Variants in CPEB1 observed in about 807,000 individuals in gnomAD.
The protein encoded by CPEB1 is cytoplasmic polyadenylation element binding protein 1.
Under a neutral mutation model 65.8 loss-of-function variants are expected in CPEB1, and 7 were observed. The observed-to-expected ratio is 0.11, with a 90% CI of 0.06 to 0.20. The LOEUF is 0.20. Ranked by LOEUF, CPEB1 falls within the 10% of genes least tolerant of loss-of-function variation. The probability of loss-of-function intolerance (pLI) is 1.00; values close to 1 mark genes in which losing one functional copy is unlikely to be tolerated. For synonymous variants in CPEB1, 262 were observed against 260.0 expected, an observed-to-expected ratio of 1.01 and a Z score of -0.08; for missense variants, 551 against 712.2, an observed-to-expected ratio of 0.77 and a Z score of 2.58.
chr15:82,567,982 T>A (rs1002502656), intron 4 of CPEB1, among the ~76,000 whole-genome samples: 1 of 152,140 alleles, frequency 6.6e-6, no homozygotes, highest in Admixed American at 6.5e-5. Flanking sequence ...CCTTCAGAGA[T>A]CTCATCAAGG....
intron 3 of CPEB1, chr15:82,571,855 C>T: frequency 9.1e-7 from 1 of 1,099,194 alleles, no homozygotes; most frequent in Non-Finnish European, 1.1e-6. Flanking sequence ...CATCATCCCT[C>T]ACAGAACGGG....
chr15:82,573,335 C>T, intron 3 of CPEB1: 1 of 643,130 alleles, frequency 1.6e-6, no homozygotes, highest in Non-Finnish European at 2.5e-6. Flanking sequence ...TTGTCAAAGC[C>T]TTGTTCATCA....
At chr15:82,590,600 TGTCAA>T (rs2042174442) in intron 3 of CPEB1, among the ~76,000 whole-genome samples, 1 of 152,294 alleles carries the variant, frequency 6.6e-6, no homozygotes. Context: ...ATCACCCAGG[TGTCAA>T]GTCCAGTACC....
intron 5 of CPEB1, 71 bp downstream of exon 5, chr15:82,557,689 T>C: frequency 7.6e-7 from 1 of 1,316,960 alleles, no homozygotes; most frequent in African/African-American, 1.4e-5. Flanking sequence ...ATAGATATTG[T>C]ACCCTCCTTC....
chr15:82,547,241 G>C lies in CPEB1; in HGVS notation c.1481-4C>G. 6.4e-7 allele frequency: 1 copy of C among 1,568,680 alleles called. No homozygotes were observed. The highest frequency in any genetic ancestry group is 8.8e-7 in the Non-Finnish European group (1 of 1,142,280). On this transcript the variant is annotated splice_region_variant and splice_polypyrimidine_tract_variant and intron_variant, in intron 10 of 12. Transcript: ENST00000684509. ...TTGAAAGTCACACGACCAGAACCTA[G>C]GACAACAGACACAAGCTTCCCTTCT... is the stretch of plus-strand genomic sequence containing the variant.
At position 82,627,386 on chromosome 15, in the gene CPEB1, AG is replaced by A; in HGVS notation, c.97-20del. The stretch of plus-strand genomic sequence containing the variant: ...CTTCTTCCTAGACACAGAAAAAAAA[AG>A]ATATTTAGGTTTTCTACACTCCTTT... On this transcript the variant is annotated intron_variant, in intron 2 of 12. Transcript: ENST00000684509. The A allele has an allele frequency of 4.4e-6, 7 of 1,592,120 alleles. No individual in the cohort carries two copies. Among genetic ancestry groups the A allele is most frequent in the Non-Finnish European group, 6.0e-6 (7 of 1,170,666 alleles).
At chr15:82,550,933 T>C (rs2036139249) in intron 9 of CPEB1, among the ~76,000 whole-genome samples, 1 of 151,624 alleles carries the variant, frequency 6.6e-6, no homozygotes, top group South Asian at 2.1e-4. Context: ...TGGGAGGGAA[T>C]GGGAGACAGG....
intron 3 of CPEB1, among the ~76,000 whole-genome samples, chr15:82,581,309 C>T (rs1177910095): frequency 6.6e-6 from 1 of 152,158 alleles, no homozygotes; most frequent in African/African-American, 2.4e-5. Flanking sequence ...TTGCATCGTA[C>T]ACAACATTTT....
chr15:82,559,865 C>G (rs2037893328), intron 4 of CPEB1, among the ~76,000 whole-genome samples: 1 of 152,146 alleles, frequency 6.6e-6, no homozygotes, highest in South Asian at 2.1e-4. Context: ...AGGTAGATCA[C>G]CTGAGGTCAG....
intron 1 of CPEB1, among the ~76,000 whole-genome samples, chr15:82,639,787 T>C (rs2046957326): frequency 6.6e-6 from 1 of 152,022 alleles, no homozygotes; most frequent in South Asian, 2.1e-4. Context: ...GAGTCTGAAA[T>C]TTTGGTACAT....
At chr15:82,577,145 AT>A (rs1017541404) in intron 3 of CPEB1, among the ~76,000 whole-genome samples, 2 of 152,210 alleles carry the variant, frequency 1.3e-5, no homozygotes, top group African/African-American at 4.8e-5. Context: ...AGATTAAATC[AT>A]TTTTAAATAG....
In CPEB1 at chr15:82,590,220, A is replaced by C. The variant is rs1466161042; in HGVS notation, c.272-18688T>G. On this transcript the variant is annotated intron_variant, in intron 3 of 12. Transcript: ENST00000684509. ...CCTCATCCCTTTGACAAAAAAAAAA[A>C]AAAAAAAAAAAAAAAAAAAACAGTT... 1.5e-3 allele frequency among the ~76,000 whole-genome samples: 117 copies of C among 79,012 alleles called. 2 individuals are homozygous for C. The highest frequency in any genetic ancestry group is 0.01 in the East Asian group (30 of 2,994). The allele number at this position is 79,012 out of a possible 152,430, so 51.8% of individuals were successfully genotyped here.
chr15:82,628,709 A>C (rs1015791408), intron 1 of CPEB1, 153 bp from the exon 2 acceptor site: 1 of 460,250 alleles, frequency 2.2e-6, no homozygotes, highest in Non-Finnish European at 3.8e-6. Flanking sequence ...CACCTTTGCC[A>C]CCCCTGAGAG....
Position 82,628,369 on chromosome 15 carries a change from G to T in CPEB1, c.91C>A (p.Pro31Thr). The change falls in exon 2 of 13, where the codon CCT (proline) becomes ACT (threonine). Residue 31 changes from proline (P) to threonine (T), a missense_variant. Pro to Thr is a conservative substitution (Grantham distance 38). This residue lies in a region of CPEB1 where 223 missense variants were observed against 228.6 expected (regional missense o/e 0.98). Coordinates refer to ENST00000684509, the MANE Select transcript of CPEB1 (RefSeq NM_001365242.1). ...AAATCCAAGAGTTAACATACCAGAGGAATTAGCAGAAGACAATCTGATAGA... is the reference window on the plus strand; with the variant it reads ...AAATCCAAGAGTTAACATACCAGAGTAATTAGCAGAAGACAATCTGATAGA... Reference protein sequence around the residue: ...SSLSDCLLLIPLEEEAGRIKD... With the variant: ...SSLSDCLLLITLEEEAGRIKD... 1.4e-6 allele frequency: 1 copy of T among 702,768 alleles called. No individual in the cohort carries two copies. Among genetic ancestry groups the T allele is most frequent in the East Asian group, 2.7e-5 (1 of 37,272 alleles). The allele number at this position is 702,768 out of a possible 1,614,324, so 43.5% of individuals were successfully genotyped here.
intron 4 of CPEB1, among the ~76,000 whole-genome samples, chr15:82,565,498 G>A (rs146381862): frequency 1.6e-4 from 24 of 152,234 alleles, no homozygotes; most frequent in East Asian, 3.9e-4. Flanking sequence ...TCAAAGCCAC[G>A]AGCATACCTA....
At position 82,547,209 on chromosome 15, in the gene CPEB1, T is replaced by C. The variant is rs1479837170; in HGVS notation, c.1509A>G (p.Gln503=). The change falls in exon 11 of 13, where the codon CAA becomes CAG. Residue 503 remains glutamine (Q), a synonymous_variant. Coordinates refer to ENST00000684509, the MANE Select transcript of CPEB1 (RefSeq NM_001365242.1). ...CGCTGACTGCTTTCAGGTAACTCCG[T>C]TGGTTATTGAAAGTCACACGACCAG... ...IGSGRVTFNN[Q]RSYLKAVSAA... is the part of the protein sequence containing the mutation. The C allele has an allele frequency of 3.7e-6, 6 of 1,613,308 alleles. No homozygotes were observed. Among genetic ancestry groups the C allele is most frequent in the African/African-American group, 1.3e-5 (1 of 74,946 alleles).
chr15:82,645,450 G>C (rs953357666), intron 1 of CPEB1, among the ~76,000 whole-genome samples: 1 of 151,958 alleles, frequency 6.6e-6, no homozygotes, highest in African/African-American at 2.4e-5. Flanking sequence ...ATGGGGCCGG[G>C]CCGTACTTTT....
In CPEB1 at chr15:82,596,397, A is replaced by G. The variant is rs80071962; in HGVS notation, c.272-24865T>C. Among the ~76,000 whole-genome samples the G allele has an allele frequency of 7.5e-3, 1,138 of 152,314 alleles. 12 individuals carry two copies. Among genetic ancestry groups the G allele is most frequent in the Non-Finnish European group, 8.5e-3 (576 of 68,022 alleles). ...GCCCAATTTGGAAAACATATGTACT[A>G]AAAAGTTCATTAAAATGTTCATTAC... On this transcript the variant is annotated intron_variant, in intron 3 of 12. Coordinates refer to ENST00000684509, the MANE Select transcript of CPEB1 (RefSeq NM_001365242.1).
At chr15:82,615,044 C>T (rs374340926) in intron 3 of CPEB1, among the ~76,000 whole-genome samples, 21 of 152,258 alleles carry the variant, frequency 1.4e-4, no homozygotes, top group African/African-American at 5.1e-4. Context: ...CAAATGGGTA[C>T]TATTTCTACC....
Sources: gnomAD v4.1 joint callset for allele counts (sites outside exome capture counted in the v4.1 genomes callset) on GRCh38, gnomAD v4.1.1 for gene constraint, gnomAD v4.1.1 regional missense constraint, MANE v1.5 for transcripts, NCBI Gene and HGNC (gene_info 2026-07-23, HGNC 2026-07-21) for gene names.